The following SPTAN1 variants were observed in gnomAD, a reference collection of about 807,000 sequenced individuals.
SPTAN1 encodes spectrin alpha chain, non-erythrocytic 1.
A neutral mutation model predicts 331.3 loss-of-function variants in SPTAN1; 61 were observed. The observed-to-expected ratio is 0.18, with a 90% CI of 0.15 to 0.23. The LOEUF is 0.23. Ranked by LOEUF, SPTAN1 falls within the 10% of genes least tolerant of loss-of-function variation. The probability of loss-of-function intolerance (pLI) is 1.00; values close to 1 mark genes in which losing one functional copy is unlikely to be tolerated. For missense variants in SPTAN1, 2,043 were observed against 3,147.9 expected, an observed-to-expected ratio of 0.65 and a Z score of 8.40; for synonymous variants, 1,153 against 1,173.9, an observed-to-expected ratio of 0.98 and a Z score of 0.36.
chr9:128,617,942 C>G, intron 42 of SPTAN1, 45 bp from the exon 43 acceptor site: 1 of 1,614,034 alleles, frequency 6.2e-7, no homozygotes, highest in Non-Finnish European at 8.5e-7. Context: ...GACAGAAGCA[C>G]CAGAAGAGCT....
intron 4 of SPTAN1, 102 bp from the exon 5 acceptor site, chr9:128,575,097 G>A (rs1851159393): frequency 1.3e-6 from 2 of 1,523,814 alleles, no homozygotes; most frequent in Non-Finnish European, 9.1e-7. Context: ...ATCCATTAAA[G>A]CTAACATGGC....
chr9:128,605,332 C>T lies in SPTAN1; in HGVS notation c.3901C>T (p.Gln1301Ter). 1 of 1,614,210 alleles carries T rather than the reference C, an allele frequency of 6.2e-7. No individual in the cohort carries two copies. Among genetic ancestry groups the T allele is most frequent in the Non-Finnish European group, 8.5e-7 (1 of 1,180,040 alleles). ...SLGETAERLI[Q>*]SHPESAEDLQ... is the part of the protein sequence containing the mutation. ...TGGTGAAACAGCAGAGCGCCTGATC[C>T]AGTCCCATCCCGAGTCAGCAGAAGA... The change falls in exon 31 of 57, where the codon CAG becomes TAG. Residue 1301 changes from glutamine (Q) to a stop codon, truncating the protein, a stop_gained. Coordinates refer to ENST00000372739, the MANE Select transcript of SPTAN1 (RefSeq NM_001130438.3). LOFTEE classifies it high-confidence loss of function.
chr9:128,618,724 C>T (rs755450955), intron 43 of SPTAN1, 147 bp from the exon 44 acceptor site: 20 of 1,129,084 alleles, frequency 1.8e-5, no homozygotes, highest in Non-Finnish European at 2.7e-5. Context: ...ATCTCGTGAT[C>T]TGCCCGCCTC....
At chr9:128,618,735 G>A (rs192376190) in intron 43 of SPTAN1, 136 bp from the exon 44 acceptor site, 31 of 1,284,674 alleles carry the variant, frequency 2.4e-5, no homozygotes, top group Admixed American at 6.8e-5. Context: ...TGCCCGCCTC[G>A]GCCTCCCAAA....
Position 128,617,318 on chromosome 9 carries a change from A to G in SPTAN1, c.5358-322A>G, listed in dbSNP as rs369870029. On this transcript the variant is annotated intron_variant, in intron 41 of 56. Transcript: ENST00000372739. ...CAGACATATATTGATATATTAATAC[A>G]TATTTAGTATACATGATTGATATAT... Among the ~76,000 whole-genome samples the G allele has an allele frequency of 2.0e-5, 3 of 152,096 alleles. No homozygotes were observed. The East Asian group carries it at 5.8e-4, about 29-fold the overall frequency.
intron 10 of SPTAN1, 114 bp from the exon 11 acceptor site, chr9:128,580,808 A>G: frequency 6.7e-7 from 1 of 1,501,938 alleles, no homozygotes; most frequent in Non-Finnish European, 9.2e-7. Flanking sequence ...GCAAATCGGA[A>G]AAAAGGCCTG....
At chr9:128,565,928 T>C (rs775675004) in intron 1 of SPTAN1, among the ~76,000 whole-genome samples, 17 of 152,200 alleles carry the variant, frequency 1.1e-4, no homozygotes, top group Non-Finnish European at 2.5e-4. Flanking sequence ...TTAGTCACTT[T>C]AGGAAATTGA....
chr9:128,629,947 C>T lies in SPTAN1; in HGVS notation c.6708-374C>T, dbSNP rs556734889. On this transcript the variant is annotated intron_variant, in intron 51 of 56. Coordinates refer to ENST00000372739, the MANE Select transcript of SPTAN1 (RefSeq NM_001130438.3). This position sits in a 1 kb window ranked among gnomAD's most constrained non-coding sequence, Gnocchi z 4.9. ...TCCCCTCTGCCCTGAGGTCTCCTGT[C>T]TGTCAGGTGTCAGGGTGTGCCATCC... 5.3e-6 allele frequency: 2 copies of T among 374,290 alleles called. No individual in the cohort carries two copies. Among genetic ancestry groups the T allele is most frequent in the Non-Finnish European group, 1.0e-5 (2 of 192,508 alleles). 23.2% of individuals were successfully genotyped at this position (374,290 alleles called of 1,614,324 possible).
intron 39 of SPTAN1, among the ~76,000 whole-genome samples, 175 bp from the exon 40 acceptor site, chr9:128,613,206 G>A (rs1371319491): frequency 6.6e-6 from 1 of 152,216 alleles, no homozygotes; most frequent in Non-Finnish European, 1.5e-5. Context: ...TGGAGAGAGT[G>A]TCTCAGGCCG....
At chr9:128,591,770 A>C in intron 22 of SPTAN1, 145 bp downstream of exon 22, 1 of 983,860 alleles carries the variant, frequency 1.0e-6, no homozygotes, top group Non-Finnish European at 1.5e-6. Context: ...GAGCCCACAG[A>C]CCTCCCTGTG....
chr9:128,584,851 A>G lies in SPTAN1; in HGVS notation c.2560+8A>G, dbSNP rs1409838761. The G allele has an allele frequency of 6.2e-7, 1 of 1,613,982 alleles. No homozygotes were observed. Among genetic ancestry groups the G allele is most frequent in the South Asian group, 1.1e-5 (1 of 91,082 alleles). ...ATGCCATGGTGGAGGAAGGTGAGTG[A>G]TTGGTATCAGTGACATGGCTTGGTG... is the stretch of plus-strand genomic sequence containing the variant. On this transcript the variant is annotated splice_region_variant and intron_variant, in intron 18 of 56. Coordinates refer to ENST00000372739, the MANE Select transcript of SPTAN1 (RefSeq NM_001130438.3).
chr9:128,615,880 T>C (rs1253052506), intron 41 of SPTAN1, 40 bp downstream of exon 41: 1 of 1,604,974 alleles, frequency 6.2e-7, no homozygotes, highest in Admixed American at 1.7e-5. Flanking sequence ...CTTACGCCTG[T>C]AATAGTGGGC....
intron 40 of SPTAN1, 146 bp downstream of exon 40, chr9:128,613,631 T>C (rs868702130): frequency 2.9e-6 from 2 of 679,158 alleles, no homozygotes; most frequent in African/African-American, 1.8e-5. Flanking sequence ...AGGATCATTA[T>C]ACACTTGGCA....
chr9:128,628,234 T>G, intron 51 of SPTAN1: 1 of 576,334 alleles, frequency 1.7e-6, no homozygotes, highest in South Asian at 1.6e-5. Context: ...AGGCCAGAGC[T>G]GGAGTCCAGA....
In SPTAN1 at chr9:128,607,839, C is replaced by G. The variant is rs374834326; in HGVS notation, c.4147-13C>G. The G allele has an allele frequency of 1.5e-5, 25 of 1,613,706 alleles. No homozygotes were observed. The African/African-American group carries it at 3.1e-4, about 20-fold the overall frequency. On this transcript the variant is annotated splice_polypyrimidine_tract_variant and intron_variant, in intron 32 of 56. Transcript: ENST00000372739. ...TGCTGCCAGTTACCTAATCCCTTCC[C>G]TCCTTTTGGCAGGAACACCGGACAG...
rs1023268415 is a variant in SPTAN1, at chr9:128,605,618, C to A, written c.4046+141C>A. 6.4e-6 allele frequency: 7 copies of A among 1,087,568 alleles called. No homozygotes were observed. In the African/African-American group the frequency reaches 7.8e-5, roughly 12 times the overall value. The allele number at this position is 1,087,568 out of a possible 1,614,324, so 67.4% of individuals were successfully genotyped here. ...AAGCACTTTGGGGGGCCAAGGCAAG[C>A]GAATTGCTTGAACTCAGGAGCCGGA... is the stretch of plus-strand genomic sequence containing the variant. On this transcript the variant is annotated intron_variant, in intron 31 of 56. Coordinates refer to ENST00000372739, the MANE Select transcript of SPTAN1 (RefSeq NM_001130438.3).
At position 128,633,638 on chromosome 9, in the gene SPTAN1, C is replaced by A. The variant is rs1860205820; in HGVS notation, c.*304C>A. The A allele has an allele frequency of 5.9e-6, 8 of 1,357,998 alleles. No individual in the cohort carries two copies. Among genetic ancestry groups the A allele is most frequent in the Non-Finnish European group, 7.1e-6 (7 of 990,088 alleles). 84.1% of individuals were successfully genotyped at this position (1,357,998 alleles called of 1,614,324 possible). On this transcript the variant is annotated 3_prime_UTR_variant, in exon 57 of 57. Coordinates refer to ENST00000372739, the MANE Select transcript of SPTAN1 (RefSeq NM_001130438.3). ...CCCAAATCTGTTTTCATGTAAAAGA[C>A]AAATAAATGATGACTTCCCCCAAAG...
At chr9:128,576,190 T>G (rs1483226036) in intron 5 of SPTAN1, among the ~76,000 whole-genome samples, 1 of 152,180 alleles carries the variant, frequency 6.6e-6, no homozygotes, top group East Asian at 1.9e-4. Flanking sequence ...TTTTATTACT[T>G]TGTATCATAT....
rs202180736 is a variant in SPTAN1 at position 128,632,800 on chromosome 9, G to A, written c.7161-8G>A. The A allele has an allele frequency of 5.1e-5, 83 of 1,614,024 alleles. No individual in the cohort carries two copies. In the Admixed American group the frequency reaches 6.5e-4, roughly 13 times the overall value. On this transcript the variant is annotated splice_polypyrimidine_tract_variant and splice_region_variant and intron_variant, in intron 55 of 56. Transcript: ENST00000372739. ...CCCTGCTCAGGCTCTTGCTTCCCCC[G>A]CTCCTAGAGATGGCCATGTCTCCTT...
Sources: allele counts gnomAD v4.1 joint callset (sites outside exome capture counted in the v4.1 genomes callset), GRCh38; gene constraint gnomAD v4.1.1; non-coding constraint Gnocchi (gnomAD v3.1); transcripts MANE v1.5; gene names NCBI Gene and HGNC (gene_info 2026-07-23, HGNC 2026-07-21).